FCHSD2: variants seen among roughly 807,000 people sequenced by gnomAD.
FCHSD2 encodes F-BAR and double SH3 domains protein 2.
FCHSD2 carries 38 observed loss-of-function variants against 108.1 expected under a neutral mutation model. The observed-to-expected ratio is 0.35, with a 90% CI of 0.27 to 0.46. The LOEUF is 0.46. FCHSD2 is among the 20% of genes least tolerant of loss of function. The pLI is 1.00. For missense variants in FCHSD2, 751 were observed against 897.8 expected (o/e 0.84, Z 2.09); for synonymous variants, 279 against 314.7 (o/e 0.89, Z 1.20).
chr11:73,036,593 TA>T (rs1438909972), intron 3 of FCHSD2, among the ~76,000 whole-genome samples: 1 of 152,212 alleles, frequency 6.6e-6, no homozygotes, highest in Non-Finnish European at 1.5e-5. Context: ...TTACTGTGAT[TA>T]AAAACTTTCA....
chr11:73,124,532 G>C (rs982812890), intron 2 of FCHSD2, among the ~76,000 whole-genome samples: 1 of 152,142 alleles, frequency 6.6e-6, no homozygotes, highest in African/African-American at 2.4e-5. Context: ...AAGGTAGGTG[G>C]ATCACCAGAG....
At chr11:72,987,721 G>C (rs1300390128) in intron 6 of FCHSD2, among the ~76,000 whole-genome samples, 1 of 152,044 alleles carries the variant, frequency 6.6e-6, no homozygotes, top group African/African-American at 2.4e-5. Context: ...TCATCCTGTG[G>C]GCTGTGGCTA....
intron 7 of FCHSD2, among the ~76,000 whole-genome samples, chr11:72,984,469 A>T (rs559019164): frequency 1.3e-5 from 2 of 152,360 alleles, no homozygotes; most frequent in African/African-American, 4.8e-5. Context: ...TAGATAACTT[A>T]AAAATATTTT....
At chr11:72,911,106 T>C (rs1434836519) in intron 9 of FCHSD2, among the ~76,000 whole-genome samples, 2 of 152,202 alleles carry the variant, frequency 1.3e-5, no homozygotes, top group African/African-American at 2.4e-5. Context: ...TTTCTTTTAG[T>C]AGTTTCATAG....
intron 10 of FCHSD2, among the ~76,000 whole-genome samples, chr11:72,896,207 T>G (rs191338603): frequency 1.3e-5 from 2 of 152,354 alleles, no homozygotes; most frequent in Admixed American, 1.3e-4. Context: ...AGAAATTTAG[T>G]GTCAGCTTTT....
At chr11:72,932,919 A>G (rs1326110107) in intron 8 of FCHSD2, among the ~76,000 whole-genome samples, 2 of 152,230 alleles carry the variant, frequency 1.3e-5, no homozygotes, top group African/African-American at 4.8e-5. Context: ...CTTGAGCCCC[A>G]TGACTGAGAA....
intron 5 of FCHSD2, among the ~76,000 whole-genome samples, chr11:72,995,661 G>A (rs1857506210): frequency 6.6e-6 from 1 of 150,636 alleles, no homozygotes; most frequent in African/African-American, 2.4e-5. Flanking sequence ...CCGTGTTCAT[G>A]CCACTGCACT....
chr11:72,893,034 T>C (rs1855349864), intron 10 of FCHSD2, among the ~76,000 whole-genome samples: 1 of 152,130 alleles, frequency 6.6e-6, no homozygotes, highest in Admixed American at 6.5e-5. Flanking sequence ...AGTTTCACTC[T>C]GTCACCCAGA....
chr11:72,907,677 A>G (rs1013637750), intron 9 of FCHSD2, among the ~76,000 whole-genome samples: 8 of 115,734 alleles, frequency 6.9e-5, no homozygotes, highest in African/African-American at 2.7e-4. Flanking sequence ...TGCAACCTCC[A>G]CCTCCCAGGT....
intron 3 of FCHSD2, among the ~76,000 whole-genome samples, chr11:73,055,180 C>T: frequency 6.6e-6 from 1 of 151,918 alleles, no homozygotes. Flanking sequence ...GGAAAACCAC[C>T]CCCATGATTC....
intron 2 of FCHSD2, among the ~76,000 whole-genome samples, chr11:73,087,775 T>C (rs1201521168): frequency 6.6e-6 from 1 of 152,104 alleles, no homozygotes; most frequent in African/African-American, 2.4e-5. Flanking sequence ...ATAAACAGCC[T>C]ACAGCAGTAT....
chr11:72,948,162 C>G (rs1835644), intron 8 of FCHSD2, among the ~76,000 whole-genome samples: 144,671 of 152,174 alleles, frequency 0.95, 69,091 homozygotes, highest in East Asian at 1. Context: ...CATGTGCCAC[C>G]AGACCTGGCA....
intron 8 of FCHSD2, among the ~76,000 whole-genome samples, chr11:72,977,248 G>A (rs920992122): frequency 6.6e-6 from 1 of 152,028 alleles, no homozygotes; most frequent in Non-Finnish European, 1.5e-5. Flanking sequence ...AAGCATTGGG[G>A]GAAATTCTCT....
At chr11:72,899,667 G>A (rs1855486758) in intron 10 of FCHSD2, among the ~76,000 whole-genome samples, 1 of 146,664 alleles carries the variant, frequency 6.8e-6, no homozygotes, top group Non-Finnish European at 1.5e-5. Context: ...AGCCCAGGAG[G>A]TTGAGGCGCA....
intron 2 of FCHSD2, among the ~76,000 whole-genome samples, chr11:73,126,855 T>C (rs532750173): frequency 6.6e-6 from 1 of 152,116 alleles, no homozygotes; most frequent in African/African-American, 2.4e-5. Context: ...CTGACCAACA[T>C]GGCAAAACCC....
chr11:73,113,075 C>G (rs1042973443), intron 2 of FCHSD2, among the ~76,000 whole-genome samples: 6 of 152,200 alleles, frequency 3.9e-5, no homozygotes, highest in Middle Eastern at 3.4e-3. Flanking sequence ...TTCAAGCTCA[C>G]TAATTCTTTA....
chr11:72,988,638 A>C (rs1307003841), intron 6 of FCHSD2, among the ~76,000 whole-genome samples: 1 of 152,178 alleles, frequency 6.6e-6, no homozygotes, highest in Admixed American at 6.5e-5. Flanking sequence ...GAGGCTCTTA[A>C]ACCCTGATAT....
intron 2 of FCHSD2, among the ~76,000 whole-genome samples, chr11:73,126,611 A>C (rs1041195774): frequency 6.9e-6 from 1 of 145,712 alleles, no homozygotes; most frequent in Non-Finnish European, 1.5e-5. Flanking sequence ...CTTTTATAAT[A>C]TCTGTTAAAT....
chr11:73,128,483 A>G lies in FCHSD2; in HGVS notation c.119+11548T>C, dbSNP rs577386367. Among the ~76,000 whole-genome samples, 3 of 152,264 alleles carry G rather than the reference A, an allele frequency of 2.0e-5. No homozygotes were observed. The South Asian group carries it at 6.2e-4, about 32-fold the overall frequency. ...GCATGTTCAAGCATATGACGCAAACACAGATAATGAAATATAAGGGAAAGT... is the reference window on the plus strand; with the variant it reads ...GCATGTTCAAGCATATGACGCAAACGCAGATAATGAAATATAAGGGAAAGT... On this transcript the variant is annotated intron_variant, in intron 2 of 19. Transcript: ENST00000409418.
Sources: gnomAD v4.1 joint callset for allele counts (sites outside exome capture counted in the v4.1 genomes callset) on GRCh38, gnomAD v4.1.1 for gene constraint, MANE v1.5 for transcripts, NCBI Gene and HGNC (gene_info 2026-07-23, HGNC 2026-07-21) for gene names.